The following STKLD1 variants were observed in gnomAD, a reference collection of about 807,000 sequenced individuals.
STKLD1 encodes the protein serine/threonine kinase-like domain-containing protein STKLD1.
Under a neutral mutation model 80.4 loss-of-function variants are expected in STKLD1, and 79 were observed. The observed-to-expected ratio is 0.98, with a 90% CI of 0.82 to 1.19. STKLD1 has a LOEUF of 1.19. Among genes scored for constraint, STKLD1 ranks in the 50% most tolerant of loss-of-function variants. STKLD1 has a pLI of 0.00. For missense variants in STKLD1, 841 were observed against 856.0 expected (o/e 0.98, Z 0.22); for synonymous variants, 393 against 357.6 (o/e 1.10, Z -1.12).
At position 133,376,390 on chromosome 9, in the gene STKLD1, G is replaced by A. The variant is rs2130247257; in HGVS notation, c.-84G>A. 8.0e-5 allele frequency: 116 copies of A among 1,443,936 alleles called. No homozygotes were observed. In the African/African-American group the frequency reaches 1.6e-3, roughly 20 times the overall value. 89.4% of individuals were successfully genotyped at this position (1,443,936 alleles called of 1,614,324 possible). On this transcript the variant is annotated 5_prime_UTR_variant, in exon 1 of 18. Transcript: ENST00000371957. ...TGAGTGCCTCGAGGGCGCCGTTCGG[G>A]CGGGGAGGATCCCGCGGGTCCCACT...
chr9:133,387,895 G>A (rs1256645777), intron 5 of STKLD1: 2 of 481,536 alleles, frequency 4.2e-6, no homozygotes, highest in Non-Finnish European at 8.2e-6. Flanking sequence ...CCTTCCCTCA[G>A]CCTGCTGTTG....
At chr9:133,395,180 C>T (rs1273061307) in intron 8 of STKLD1, among the ~76,000 whole-genome samples, 3 of 152,184 alleles carry the variant, frequency 2.0e-5, no homozygotes, top group Non-Finnish European at 2.9e-5. Context: ...CTGAGAAGCA[C>T]CTTGCCACTC....
intron 14 of STKLD1, among the ~76,000 whole-genome samples, chr9:133,403,476 G>A (rs73660483): frequency 8.9e-4 from 136 of 152,292 alleles, no homozygotes; most frequent in African/African-American, 3.2e-3. Context: ...TCCAAACCAC[G>A]GAAAGCCCGG....
intron 16 of STKLD1, 136 bp downstream of exon 16, chr9:133,404,184 C>T (rs1423650231): frequency 9.5e-6 from 11 of 1,153,376 alleles, no homozygotes; most frequent in African/African-American, 6.2e-5. Flanking sequence ...TAAAAACGAT[C>T]TGAAGTCCAG....
chr9:133,376,516 G>T lies in STKLD1; in HGVS notation c.43G>T (p.Glu15Ter). ...GSNRRRPTQG[E>*]RGPGSPGEPM... ...CAATCGCAGGCGCCCCACGCAGGGG[G>T]AGCGAGGCCCAGGGTCCCCCGGAGA... The change falls in exon 1 of 18, where the codon GAG becomes TAG. Residue 15 changes from glutamate to a stop codon, truncating the protein, a stop_gained. Coordinates refer to ENST00000371957, the MANE Select transcript of STKLD1 (RefSeq NM_153710.5). LOFTEE classifies it high-confidence loss of function. 1.2e-6 allele frequency: 2 copies of T among 1,601,730 alleles called. No homozygotes were observed. Among genetic ancestry groups the T allele is most frequent in the Non-Finnish European group, 1.7e-6 (2 of 1,175,810 alleles).
At position 133,405,396 on chromosome 9, in the gene STKLD1, G is replaced by T. The variant is rs1433836760; in HGVS notation, c.2018G>T (p.Cys673Phe). 1.2e-6 allele frequency: 2 copies of T among 1,610,632 alleles called. No individual in the cohort carries two copies. Among genetic ancestry groups the T allele is most frequent in the African/African-American group, 2.7e-5 (2 of 74,916 alleles). The change falls in exon 18 of 18, where the codon TGC (cysteine) becomes TTC (phenylalanine). Residue 673 changes from cysteine (C) to phenylalanine (F), a missense_variant. Coordinates refer to ENST00000371957, the MANE Select transcript of STKLD1 (RefSeq NM_153710.5). ...LPPGGSPQLG[C>F]TTSGGLE ...CCAGGTGGAAGCCCCCAGCTGGGGT[G>T]CACCACGTCTGGGGGACTGGAATAG...
intron 7 of STKLD1, among the ~76,000 whole-genome samples, chr9:133,393,552 AGT>A (rs1388783986): frequency 3.6e-5 from 4 of 110,934 alleles, no homozygotes; most frequent in Admixed American, 2.8e-4. Context: ...TGGATGGGTG[AGT>A]GTGTGGGTAG....
At chr9:133,403,301 C>T (rs1368554360) in intron 14 of STKLD1, among the ~76,000 whole-genome samples, 1 of 152,216 alleles carries the variant, frequency 6.6e-6, no homozygotes, top group Non-Finnish European at 1.5e-5. Context: ...GGGAAATGTC[C>T]TGGGATTTTC....
At chr9:133,403,881 G>C in intron 15 of STKLD1, 39 bp from the exon 16 acceptor site, 1 of 1,609,734 alleles carries the variant, frequency 6.2e-7, no homozygotes. Flanking sequence ...TGGGCCTCAT[G>C]GCACAGCAGG....
intron 9 of STKLD1, chr9:133,396,060 A>T (rs782095913): frequency 7.3e-6 from 1 of 136,724 alleles, no homozygotes. Context: ...CATTCTACAT[A>T]AAAAAAAAAA....
At chr9:133,401,581 G>A (rs1554777666) in intron 12 of STKLD1, among the ~76,000 whole-genome samples, 157 bp from the exon 13 acceptor site, 2 of 152,240 alleles carry the variant, frequency 1.3e-5, no homozygotes, top group African/African-American at 2.4e-5. Flanking sequence ...TTAGGCCACA[G>A]GGATTCATGG....
rs1407814043 is a variant in STKLD1, at chr9:133,390,099, G to A, written c.467+503G>A. On this transcript the variant is annotated intron_variant, in intron 6 of 17. Transcript: ENST00000371957. The surrounding 1 kb of genome is among the most constrained non-coding windows in gnomAD (Gnocchi z 5.1). ...ACGCCTGTGGTCCTAGCAACATGGA[G>A]GCTGAGATGGGAGGATTGCTTGAAG... Among the ~76,000 whole-genome samples the A allele has an allele frequency of 2.6e-5, 4 of 152,130 alleles. No homozygotes were observed. The highest frequency in any genetic ancestry group is 2.1e-4 in the South Asian group (1 of 4,832).
intron 7 of STKLD1, among the ~76,000 whole-genome samples, chr9:133,391,142 GGGTCAGCCCCCCGCCC>G (rs1304745517): frequency 1.3e-5 from 2 of 148,876 alleles, no homozygotes; most frequent in Non-Finnish European, 3.0e-5. Flanking sequence ...GAGGTGGGGG[GGGTCAGCCCCCCGCCC>G]GGCCAGCCGC....
At chr9:133,380,951 A>G (rs1838114703) in intron 2 of STKLD1, among the ~76,000 whole-genome samples, 1 of 151,982 alleles carries the variant, frequency 6.6e-6, no homozygotes, top group Non-Finnish European at 1.5e-5. Flanking sequence ...TCCCTATCAC[A>G]TGGGCTGAGC....
chr9:133,396,689 G>A (rs1458153118), intron 9 of STKLD1, among the ~76,000 whole-genome samples: 1 of 152,084 alleles, frequency 6.6e-6, no homozygotes, highest in East Asian at 1.9e-4. Flanking sequence ...CCCGGGAGGT[G>A]GAGGTTGCAG....
At position 133,402,939 on chromosome 9, in the gene STKLD1, C is replaced by T; in HGVS notation, c.1401C>T (p.His467=). ...GGCTGCTGGAGCACATCCTGGAGCA[C>T]CTCAACAGCTCCCTCGAAAGCAGGG... is the stretch of plus-strand genomic sequence containing the variant. ...NAGLLEHILE[H]LNSSLESRDV... Residue 467 remains histidine, a synonymous_variant, in exon 14 of 18, where the codon CAC becomes CAT. Coordinates refer to ENST00000371957, the MANE Select transcript of STKLD1 (RefSeq NM_153710.5). 6.3e-7 allele frequency: 1 copy of T among 1,585,060 alleles called. No individual in the cohort carries two copies. The highest frequency in any genetic ancestry group is 8.6e-7 in the Non-Finnish European group (1 of 1,165,906).
rs782343045 is a variant in STKLD1 at position 133,400,404 on chromosome 9, C to T, written c.1082-9C>T. On this transcript the variant is annotated splice_polypyrimidine_tract_variant and intron_variant, in intron 11 of 17. Coordinates refer to ENST00000371957, the MANE Select transcript of STKLD1 (RefSeq NM_153710.5). Reference sequence around the variant, plus strand: ...AAATGAGTCTCCCCTGTGCCGCCCGCCCTGCCAGGTCTGCCGTGGCCCCCG... The same window carrying T: ...AAATGAGTCTCCCCTGTGCCGCCCGTCCTGCCAGGTCTGCCGTGGCCCCCG... 1 of 1,608,838 alleles carries T rather than the reference C, an allele frequency of 6.2e-7. No individual in the cohort carries two copies.
chr9:133,376,399 A>C lies in STKLD1; in HGVS notation c.-75A>C. ...CGAGGGCGCCGTTCGGGCGGGGAGGATCCCGCGGGTCCCACTGACCCACGC... is the reference window on the plus strand; with the variant it reads ...CGAGGGCGCCGTTCGGGCGGGGAGGCTCCCGCGGGTCCCACTGACCCACGC... On this transcript the variant is annotated 5_prime_UTR_variant, in exon 1 of 18. Coordinates refer to ENST00000371957, the MANE Select transcript of STKLD1 (RefSeq NM_153710.5). 6.9e-7 allele frequency: 1 copy of C among 1,450,886 alleles called. No individual in the cohort carries two copies. Among genetic ancestry groups the C allele is most frequent in the African/African-American group, 1.5e-5 (1 of 66,598 alleles). The allele number at this position is 1,450,886 out of a possible 1,614,324, so 89.9% of individuals were successfully genotyped here.
At chr9:133,404,732 A>C in intron 16 of STKLD1, 57 bp from the exon 17 acceptor site, 1 of 1,592,252 alleles carries the variant, frequency 6.3e-7, no homozygotes, top group Non-Finnish European at 8.5e-7. Context: ...CCTGGGCAGA[A>C]GGCTCTTCCC....
Sources: allele counts gnomAD v4.1 joint callset (sites outside exome capture counted in the v4.1 genomes callset), GRCh38; gene constraint gnomAD v4.1.1; non-coding constraint Gnocchi (gnomAD v3.1); transcripts MANE v1.5; gene names NCBI Gene and HGNC (gene_info 2026-07-23, HGNC 2026-07-21).